Variants in PDZRN3 observed in about 807,000 individuals in gnomAD.
PDZRN3 encodes the protein PDZ domain containing ring finger 3.
In PDZRN3, 38 loss-of-function variants were observed where a neutral mutation model predicts 85.7. The ratio of observed to expected loss-of-function variants is 0.44; its 90% confidence interval spans 0.34 to 0.58. PDZRN3 has a LOEUF of 0.58. PDZRN3 is among the 20% of genes least tolerant of loss of function. PDZRN3 has a pLI of 0.01. For missense variants in PDZRN3, 1,629 were observed against 1,506.4 expected, an observed-to-expected ratio of 1.08 and a Z score of -1.35; for synonymous variants, 759 against 638.0, an observed-to-expected ratio of 1.19 and a Z score of -2.86.
Position 73,602,381 on chromosome 3 carries a change from G to C in PDZRN3, c.891C>G (p.Gly297=). 1 of 1,601,172 alleles carries C rather than the reference G, an allele frequency of 6.2e-7. No individual in the cohort carries two copies. Among genetic ancestry groups the C allele is most frequent in the African/African-American group, 1.3e-5 (1 of 74,768 alleles). ...VDSGPAAKEG[G]LQIHDRIIEV... is the part of the protein sequence containing the mutation. ...CAATAATCCTGTCATGAATTTGCAG[G>C]CCTCCTTCCTTGGCTGCAGGCCCAC... is the stretch of plus-strand genomic sequence containing the variant. Residue 297 remains glycine, a synonymous_variant, in exon 3 of 10, where the codon GGC becomes GGG. Transcript: ENST00000263666.
intron 3 of PDZRN3, among the ~76,000 whole-genome samples, chr3:73,478,338 T>C (rs1200330568): frequency 6.6e-6 from 1 of 152,066 alleles, no homozygotes; most frequent in African/African-American, 2.4e-5. Context: ...GCAGCGACAT[T>C]AGATTTTCAT....
chr3:73,563,468 TA>T (rs1408894544), intron 3 of PDZRN3, among the ~76,000 whole-genome samples: 1 of 152,202 alleles, frequency 6.6e-6, no homozygotes, highest in Non-Finnish European at 1.5e-5. Flanking sequence ...TAAAACCTTA[TA>T]TTTTTTAAAA....
Position 73,428,053 on chromosome 3 carries a change from A to C in PDZRN3, c.919-23658T>G, listed in dbSNP as rs555587043. Among the ~76,000 whole-genome samples the C allele has an allele frequency of 3.3e-5, 5 of 152,246 alleles. No individual in the cohort carries two copies. The South Asian group carries it at 1.0e-3, about 32-fold the overall frequency. The stretch of plus-strand genomic sequence containing the variant: ...AGCCAGCTGCAAAGTCTTGAGAAGG[A>C]AGGAATAAGGTGGGTTCTGGGTCTT... On this transcript the variant is annotated intron_variant, in intron 3 of 9. Transcript: ENST00000263666.
chr3:73,556,352 T>C (rs2106817959), intron 3 of PDZRN3, among the ~76,000 whole-genome samples: 1 of 152,034 alleles, frequency 6.6e-6, no homozygotes, highest in Admixed American at 6.6e-5. Flanking sequence ...AAATATACAA[T>C]AATACAAATA....
At chr3:73,511,048 T>C (rs1704154522) in intron 3 of PDZRN3, among the ~76,000 whole-genome samples, 1 of 152,178 alleles carries the variant, frequency 6.6e-6, no homozygotes, top group Non-Finnish European at 1.5e-5. Context: ...GATATCGCTT[T>C]TAACATATAC....
At chr3:73,574,280 C>A (rs1018234656) in intron 3 of PDZRN3, among the ~76,000 whole-genome samples, 2 of 152,182 alleles carry the variant, frequency 1.3e-5, no homozygotes, top group African/African-American at 4.8e-5. Context: ...AATCTTCTCA[C>A]CATCAAGAGA....
intron 3 of PDZRN3, among the ~76,000 whole-genome samples, chr3:73,502,167 A>C (rs935855927): frequency 1.4e-4 from 22 of 152,168 alleles, no homozygotes; most frequent in African/African-American, 5.3e-4. Context: ...TAAGTGAGAA[A>C]AAAATAAGGC....
chr3:73,469,621 G>A (rs544324269), intron 3 of PDZRN3, among the ~76,000 whole-genome samples: 3 of 152,294 alleles, frequency 2.0e-5, no homozygotes, highest in Admixed American at 6.5e-5. Flanking sequence ...CCAAATGCCC[G>A]GTTTGTCCAC....
At position 73,464,054 on chromosome 3, in the gene PDZRN3, C is replaced by T. The variant is rs562490551; in HGVS notation, c.919-59659G>A. Among the ~76,000 whole-genome samples the T allele has an allele frequency of 9.7e-4, 147 of 152,272 alleles. 1 individual carries two copies. Among genetic ancestry groups the T allele is most frequent in the African/African-American group, 2.8e-3 (117 of 41,552 alleles). On this transcript the variant is annotated intron_variant, in intron 3 of 9. Transcript: ENST00000263666. ...GGGCTGGAGTGAAACAGGGCGATCTCGGCTCACTGCAACCTCTGCCTCCTG... is the reference window on the plus strand; with the variant it reads ...GGGCTGGAGTGAAACAGGGCGATCTTGGCTCACTGCAACCTCTGCCTCCTG...
intron 3 of PDZRN3, among the ~76,000 whole-genome samples, chr3:73,454,357 C>T (rs1251467480): frequency 6.6e-6 from 1 of 152,106 alleles, no homozygotes; most frequent in Non-Finnish European, 1.5e-5. Context: ...TTTTCCCTCA[C>T]CAAAACCCAT....
At chr3:73,497,085 G>A (rs534705193) in intron 3 of PDZRN3, among the ~76,000 whole-genome samples, 1 of 152,222 alleles carries the variant, frequency 6.6e-6, no homozygotes, top group African/African-American at 2.4e-5. Flanking sequence ...AAAAATAATT[G>A]GGTAAATACT....
At chr3:73,588,840 G>A (rs1449063216) in intron 3 of PDZRN3, among the ~76,000 whole-genome samples, 1 of 152,144 alleles carries the variant, frequency 6.6e-6, no homozygotes, top group Non-Finnish European at 1.5e-5. Context: ...CTGAGCAGGT[G>A]GTGTATGACT....
At chr3:73,452,945 T>C (rs1045786396) in intron 3 of PDZRN3, among the ~76,000 whole-genome samples, 7 of 151,606 alleles carry the variant, frequency 4.6e-5, no homozygotes, top group African/African-American at 1.7e-4. Flanking sequence ...AACACACATG[T>C]TCTCCTGTCT....
At chr3:73,506,855 A>G (rs1186139417) in intron 3 of PDZRN3, among the ~76,000 whole-genome samples, 1 of 151,478 alleles carries the variant, frequency 6.6e-6, no homozygotes, top group Non-Finnish European at 1.5e-5. Flanking sequence ...ATCAGCTATG[A>G]CTGTGCCACT....
chr3:73,467,817 G>A (rs951973962), intron 3 of PDZRN3, among the ~76,000 whole-genome samples: 6 of 152,108 alleles, frequency 3.9e-5, no homozygotes, highest in Non-Finnish European at 8.8e-5. Flanking sequence ...GGAAAATATA[G>A]TTACTCATGC....
chr3:73,608,790 C>A, intron 1 of PDZRN3, 106 bp from the exon 2 acceptor site: 1 of 690,784 alleles, frequency 1.4e-6, no homozygotes, highest in South Asian at 1.8e-5. Context: ...CTAATCATTA[C>A]AAATCCTGTT....
At chr3:73,459,019 A>G (rs1251725367) in intron 3 of PDZRN3, among the ~76,000 whole-genome samples, 1 of 151,718 alleles carries the variant, frequency 6.6e-6, no homozygotes, top group East Asian at 1.9e-4. Flanking sequence ...GAAAAAAAAG[A>G]AAAAAGAAAA....
intron 1 of PDZRN3, among the ~76,000 whole-genome samples, chr3:73,623,224 C>T (rs1702894982): frequency 6.6e-6 from 1 of 152,212 alleles, no homozygotes; most frequent in African/African-American, 2.4e-5. Context: ...AAACTCTCTC[C>T]CTGAAGCCTG....
In PDZRN3 at chr3:73,624,231, C is replaced by A; in HGVS notation, c.595G>T (p.Val199Leu). 6.8e-7 allele frequency: 1 copy of A among 1,477,998 alleles called. No homozygotes were observed. Among genetic ancestry groups the A allele is most frequent in the South Asian group, 1.3e-5 (1 of 77,186 alleles). 91.6% of individuals were successfully genotyped at this position (1,477,998 alleles called of 1,614,324 possible). The change falls in exon 1 of 10, where the codon GTG becomes TTG. Residue 199 changes from valine (V) to leucine (L), a missense_variant. Transcript: ENST00000263666. ...LRAGKREKSL[V>L]AQLAAAQLEL... ...AGCTGCGCCGCGGCCAGCTGGGCCA[C>A]CAGCGACTTCTCGCGCTTCCCAGCG...
Sources: gnomAD v4.1 joint callset for allele counts (sites outside exome capture counted in the v4.1 genomes callset) on GRCh38, gnomAD v4.1.1 for gene constraint, MANE v1.5 for transcripts, NCBI Gene and HGNC (gene_info 2026-07-23, HGNC 2026-07-21) for gene names.